FKBP10: variants seen among roughly 807,000 people sequenced by gnomAD.
FKBP10 encodes the protein peptidyl-prolyl cis-trans isomerase FKBP10.
Under a neutral mutation model 53.7 loss-of-function variants are expected in FKBP10, and 34 were observed. That is an observed-to-expected ratio of 0.63 (90% CI 0.48 to 0.84). FKBP10 has a LOEUF of 0.84. Among genes scored for constraint, FKBP10 ranks in the 40% least tolerant of loss-of-function variants. The pLI, the probability that FKBP10 is intolerant of heterozygous loss-of-function variation, is 0.00. For missense variants in FKBP10, 748 were observed against 797.8 expected (o/e 0.94, Z 0.75); for synonymous variants, 324 against 335.7 (o/e 0.97, Z 0.38).
intron 9 of FKBP10, 90 bp from the exon 10 acceptor site, chr17:41,822,133 G>A (rs1232258454): frequency 3.1e-6 from 4 of 1,285,970 alleles, no homozygotes; most frequent in Non-Finnish European, 4.4e-6. Flanking sequence ...AGAAGAAAAA[G>A]AAAGCACTCA....
intron 1 of FKBP10, among the ~76,000 whole-genome samples, chr17:41,814,386 G>A (rs1555615840): frequency 6.6e-6 from 1 of 152,178 alleles, no homozygotes; most frequent in Non-Finnish European, 1.5e-5. Flanking sequence ...TACTTGCTAA[G>A]GCTGATGTTA....
In FKBP10 at chr17:41,819,369, C is replaced by G; in HGVS notation, c.887C>G (p.Ser296Cys). The change falls in exon 5 of 10, where the codon TCC (serine) becomes TGC (cysteine). Residue 296 changes from serine (S) to cysteine (C), a missense_variant. Transcript: ENST00000321562. ...GDFMRYHYNG[S>C]LMDGTLFDSS... ...TTCATGCGCTACCACTACAATGGCT[C>G]CTTGATGGACGGCACCCTCTTCGAT... 1 of 1,614,084 alleles carries G rather than the reference C, an allele frequency of 6.2e-7. No individual in the cohort carries two copies. The highest frequency in any genetic ancestry group is 8.5e-7 in the Non-Finnish European group (1 of 1,180,008).
Position 41,822,526 on chromosome 17 carries a change from A to G in FKBP10, c.*118A>G. On this transcript the variant is annotated 3_prime_UTR_variant, in exon 10 of 10. Coordinates refer to ENST00000321562, the MANE Select transcript of FKBP10 (RefSeq NM_021939.4). ...CTGCTGGGATGAGGTCCAGGAGCCA[A>G]CTAAAACAATGGCAGAGGAGACATC... is the stretch of plus-strand genomic sequence containing the variant. 8.5e-7 allele frequency: 1 copy of G among 1,178,468 alleles called. No homozygotes were observed. Among genetic ancestry groups the G allele is most frequent in the Non-Finnish European group, 1.2e-6 (1 of 819,096 alleles). The allele number at this position is 1,178,468 out of a possible 1,614,324, so 73.0% of individuals were successfully genotyped here.
At chr17:41,816,227 C>CTTTTTTTTTTTTTTT (rs781896839) in intron 1 of FKBP10, among the ~76,000 whole-genome samples, 1 of 77,060 alleles carries the variant, frequency 1.3e-5, no homozygotes, top group Non-Finnish European at 2.2e-5. Context: ...TTAGAATAGG[C>CTTTTTTTTTTTTTTT]TTTTTTTTTT....
chr17:41,821,061 C>T lies in FKBP10; in HGVS notation c.1371C>T (p.Pro457=), dbSNP rs567589379. 13 of 1,581,242 alleles carry T rather than the reference C, an allele frequency of 8.2e-6. No individual in the cohort carries two copies. The highest frequency in any genetic ancestry group is 6.7e-5 in the African/African-American group (5 of 74,310). Residue 457 remains proline, a synonymous_variant, in exon 8 of 10, where the codon CCC becomes CCT. Transcript: ENST00000321562. ...CVGERRQLIV[P]PHLAHGESGA... is the part of the protein sequence containing the mutation. Reference sequence around the variant, plus strand: ...GAGAGAGGCGGCAGCTCATCGTGCCCCCGCACCTGGCCCACGGGGAGAGTG... The same window carrying T: ...GAGAGAGGCGGCAGCTCATCGTGCCTCCGCACCTGGCCCACGGGGAGAGTG...
At chr17:41,821,880 G>C (rs1376989355) in intron 9 of FKBP10, 63 bp downstream of exon 9, 11 of 1,603,510 alleles carry the variant, frequency 6.9e-6, no homozygotes, top group Non-Finnish European at 9.4e-6. Flanking sequence ...GAAGCATCGA[G>C]GAAGAAGACG....
rs782531690 is a variant in FKBP10, at chr17:41,821,770, T to G, written c.1516T>G (p.Phe506Val). The G allele has an allele frequency of 1.2e-6, 2 of 1,613,960 alleles. No homozygotes were observed. Among genetic ancestry groups the G allele is most frequent in the Non-Finnish European group, 1.7e-6 (2 of 1,180,008 alleles). ...VWHKDPPANL[F>V]EDMDLNKDGE... is the part of the protein sequence containing the mutation. ...GCACAAGGACCCTCCTGCCAACCTG[T>G]TTGAAGACATGGACCTCAACAAGGA... The change falls in exon 9 of 10, where the codon TTT (phenylalanine) becomes GTT (valine). Residue 506 changes from phenylalanine (F) to valine (V), a missense_variant. Physicochemically the swap from Phe to Val is conservative, Grantham distance 50. Transcript: ENST00000321562.
Position 41,822,575 on chromosome 17 carries a change from T to C in FKBP10, c.*167T>C, listed in dbSNP as rs1344681483. On this transcript the variant is annotated 3_prime_UTR_variant, in exon 10 of 10. Coordinates refer to ENST00000321562, the MANE Select transcript of FKBP10 (RefSeq NM_021939.4). Reference sequence around the variant, plus strand: ...TCTCTGGTGTTCCCACCACCCTAGATGAAAATCCACAGCACAGACCTCTAC... The same window carrying C: ...TCTCTGGTGTTCCCACCACCCTAGACGAAAATCCACAGCACAGACCTCTAC... 10 of 744,470 alleles carry C rather than the reference T, an allele frequency of 1.3e-5. No homozygotes were observed. Among genetic ancestry groups the C allele is most frequent in the Non-Finnish European group, 2.3e-5 (10 of 437,010 alleles). The allele number at this position is 744,470 out of a possible 1,614,324, so 46.1% of individuals were successfully genotyped here.
intron 8 of FKBP10, 66 bp downstream of exon 8, chr17:41,821,155 C>G (rs542271325): frequency 6.9e-7 from 1 of 1,444,646 alleles, no homozygotes; most frequent in Admixed American, 2.5e-5. Flanking sequence ...TGGAGTCTGA[C>G]TCTGTCACCC....
chr17:41,813,308 A>G, intron 1 of FKBP10, 29 bp downstream of exon 1: 2 of 1,612,994 alleles, frequency 1.2e-6, no homozygotes, highest in Non-Finnish European at 1.7e-6. Flanking sequence ...CCCCGGATTC[A>G]CCACTCCGTC....
Position 41,821,708 on chromosome 17 carries a change from G to A in FKBP10, c.1454G>A (p.Arg485Gln), listed in dbSNP as rs144314381. The A allele has an allele frequency of 4.8e-5, 78 of 1,614,090 alleles. No individual in the cohort carries two copies. Among genetic ancestry groups the A allele is most frequent in the East Asian group, 6.7e-5 (3 of 44,852 alleles). ...CTGTTTGAGGTGGAGCTGGTGTCCC[G>A]GGAGGATGGGCTGCCCACAGGCTAC... ...VLLFEVELVS[R>Q]EDGLPTGYLF... The change falls in exon 9 of 10, where the codon CGG becomes CAG. Residue 485 changes from arginine to glutamine, a missense_variant. By Grantham distance (43) the Arg-to-Gln change is conservative. Coordinates refer to ENST00000321562, the MANE Select transcript of FKBP10 (RefSeq NM_021939.4).
Position 41,819,691 on chromosome 17 carries a change from A to C in FKBP10, c.1063+16A>C. The stretch of plus-strand genomic sequence containing the variant: ...AATGGAACTGGTAGGGGCGTTCCCC[A>C]GCCACCACCTCAGCTCCTCCTCCGA... On this transcript the variant is annotated intron_variant, in intron 6 of 9. Coordinates refer to ENST00000321562, the MANE Select transcript of FKBP10 (RefSeq NM_021939.4). 1 of 1,589,572 alleles carries C rather than the reference A, an allele frequency of 6.3e-7. No homozygotes were observed. The highest frequency in any genetic ancestry group is 1.1e-5 in the South Asian group (1 of 88,144).
At position 41,822,722 on chromosome 17, in the gene FKBP10, C is replaced by T; in HGVS notation, c.*314C>T. The T allele has an allele frequency of 2.2e-6, 1 of 451,024 alleles. No individual in the cohort carries two copies. Among genetic ancestry groups the T allele is most frequent in the East Asian group, 4.5e-5 (1 of 22,458 alleles). The allele number at this position is 451,024 out of a possible 1,614,324, so 27.9% of individuals were successfully genotyped here. On this transcript the variant is annotated 3_prime_UTR_variant, in exon 10 of 10. Transcript: ENST00000321562. ...GCTGGTCCCCCACCATACCTCCCCT[C>T]CACATCACTGACACAGCTGAGCTTG...
intron 7 of FKBP10, 166 bp from the exon 8 acceptor site, chr17:41,820,780 AC>A: frequency 3.1e-6 from 3 of 957,102 alleles, no homozygotes; most frequent in Non-Finnish European, 4.5e-6. Context: ...TGAGAAGGGA[AC>A]CCCACGTCTG....
intron 2 of FKBP10, 70 bp from the exon 3 acceptor site, chr17:41,818,019 C>A: frequency 6.8e-7 from 1 of 1,467,192 alleles, no homozygotes; most frequent in Non-Finnish European, 9.3e-7. Context: ...AGGGGAATAA[C>A]AGGGCCCTGG....
intron 6 of FKBP10, 150 bp from the exon 7 acceptor site, chr17:41,820,119 A>G: frequency 8.2e-7 from 1 of 1,219,634 alleles, no homozygotes; most frequent in South Asian, 1.4e-5. Flanking sequence ...AAAGTTTGTT[A>G]GAATTGACTC....
intron 1 of FKBP10, among the ~76,000 whole-genome samples, chr17:41,814,359 G>A (rs1328856373): frequency 1.3e-5 from 2 of 152,170 alleles, no homozygotes; most frequent in African/African-American, 4.8e-5. Flanking sequence ...CTGAAAAGTG[G>A]AGACAAAAAC....
In FKBP10 at chr17:41,816,983, C is replaced by T. The variant is rs527980524; in HGVS notation, c.246-75C>T. 3,452 of 1,579,724 alleles carry T rather than the reference C, an allele frequency of 2.2e-3. 4 individuals carry two copies. Among genetic ancestry groups the T allele is most frequent in the Non-Finnish European group, 2.8e-3 (3,207 of 1,149,724 alleles). On this transcript the variant is annotated intron_variant, in intron 1 of 9. Transcript: ENST00000321562. ...ATTGTGTGCGTGTGTGCAGGCACAC[C>T]TGTGCATCTGTGCCACCATGGGCAG...
rs2047909574 is a variant in FKBP10 at position 41,822,880 on chromosome 17, G to A, written c.*472G>A. On this transcript the variant is annotated 3_prime_UTR_variant, in exon 10 of 10. Coordinates refer to ENST00000321562, the MANE Select transcript of FKBP10 (RefSeq NM_021939.4). ...CAATCCTGACTGGCTCCTAGGGAAG[G>A]GGAAGGCTCCTGGAGGGCAGCCCTA... 2 of 258,070 alleles carry A rather than the reference G, an allele frequency of 7.7e-6. No homozygotes were observed. Among genetic ancestry groups the A allele is most frequent in the Admixed American group, 1.0e-4 (2 of 19,864 alleles). 16.0% of individuals were successfully genotyped at this position (258,070 alleles called of 1,614,324 possible). A position where few individuals can be genotyped will look rare whatever the true frequency, so the allele number is the denominator to read the frequency against.
Sources: gnomAD v4.1 joint callset for allele counts (sites outside exome capture counted in the v4.1 genomes callset) on GRCh38, gnomAD v4.1.1 for gene constraint, MANE v1.5 for transcripts, NCBI Gene and HGNC (gene_info 2026-07-23, HGNC 2026-07-21) for gene names.